The following PTGER3 variants were observed in gnomAD, a reference collection of about 807,000 sequenced individuals.
PTGER3 encodes the protein prostaglandin E receptor 3, also known as prostaglandin E2 receptor EP3 subtype.
In PTGER3, 22 loss-of-function variants were observed where a neutral mutation model predicts 34.7. The ratio of observed to expected loss-of-function variants is 0.63; its 90% CI spans 0.45 to 0.91. The LOEUF (loss-of-function observed/expected upper bound fraction) is 0.91, where lower values mean the gene tolerates loss of function less well. Among genes scored for constraint, PTGER3 ranks in the 40% least tolerant of loss-of-function variants. PTGER3 has a pLI of 0.00. For synonymous variants in PTGER3, 241 were observed against 230.1 expected (o/e 1.05, Z -0.43); for missense variants, 468 against 519.4 (o/e 0.90, Z 0.96).
chr1:71,047,636 C>A lies in PTGER3; in HGVS notation c.-59G>T. On this transcript the variant is annotated 5_prime_UTR_variant, in exon 1 of 4. Coordinates refer to ENST00000306666, the MANE Select transcript of PTGER3 (RefSeq NM_198719.2). ...GAGAGCCGCAGCGGGAGGGGGCAGACGCGGCGCGGGCGGCGGCGGAGGTCG... is the reference window on the plus strand; with the variant it reads ...GAGAGCCGCAGCGGGAGGGGGCAGAAGCGGCGCGGGCGGCGGCGGAGGTCG... The A allele has an allele frequency of 1.4e-6, 2 of 1,454,990 alleles. No homozygotes were observed. The highest frequency in any genetic ancestry group is 2.9e-5 in the South Asian group (2 of 69,108). The allele number at this position is 1,454,990 out of a possible 1,614,324, so 90.1% of individuals were successfully genotyped here.
downstream of PTGER3, among the ~76,000 whole-genome samples, chr1:70,967,470 T>TA (rs575193432): frequency 2.7e-3 from 417 of 151,900 alleles, 4 homozygotes; most frequent in African/African-American, 9.4e-3. Flanking sequence ...TACCTTAAAG[T>TA]AAAAAAAATT....
At chr1:70,936,531 A>G (rs1649247323) in intron 4 of PTGER3, among the ~76,000 whole-genome samples, 1 of 152,230 alleles carries the variant, frequency 6.6e-6, no homozygotes, top group South Asian at 2.1e-4. Context: ...GTGAAGAAAA[A>G]AAATGACTGT....
intron 2 of PTGER3, among the ~76,000 whole-genome samples, chr1:70,991,549 G>T (rs1165708982): frequency 6.6e-6 from 1 of 152,184 alleles, no homozygotes; most frequent in Non-Finnish European, 1.5e-5. Context: ...TCTGGGAACT[G>T]CAGGGAGATG....
chr1:71,029,926 AAAT>A (rs3044586), intron 1 of PTGER3, among the ~76,000 whole-genome samples: 9,447 of 143,996 alleles, frequency 0.066, 874 homozygotes, highest in African/African-American at 0.21. Flanking sequence ...ACTCCATCTC[AAAT>A]AATAATAATA....
chr1:70,942,335 G>T (rs1649837275), intron 4 of PTGER3, among the ~76,000 whole-genome samples: 1 of 152,148 alleles, frequency 6.6e-6, no homozygotes, highest in Non-Finnish European at 1.5e-5. Context: ...CTTGTGTTGT[G>T]TTTGTGCTAT....
chr1:70,988,797 C>A (rs771812582), intron 2 of PTGER3, among the ~76,000 whole-genome samples: 3 of 151,984 alleles, frequency 2.0e-5, no homozygotes, highest in Non-Finnish European at 4.4e-5. Context: ...GTGATAAAGT[C>A]ATCCCATCAG....
chr1:70,939,861 C>T lies in PTGER3; in HGVS notation c.*23+13902G>A, dbSNP rs537648188. ...CTGCCATGAAGATCTCTCACATAGC[C>T]TGGAGACATTTTCTCCATTGTCTCG... On this transcript the variant is annotated intron_variant, in intron 4 of 4. Transcript: ENST00000370931. Among the ~76,000 whole-genome samples the T allele has an allele frequency of 2.0e-5, 3 of 152,202 alleles. No homozygotes were observed. In the South Asian group the frequency reaches 6.2e-4, roughly 31 times the overall value.
chr1:70,898,241 A>T (rs1646764299), intron 4 of PTGER3, among the ~76,000 whole-genome samples: 1 of 152,146 alleles, frequency 6.6e-6, no homozygotes. Context: ...CTGAGTATGA[A>T]CTTGAGCAAC....
intron 2 of PTGER3, among the ~76,000 whole-genome samples, chr1:70,992,828 C>G (rs1205082970): frequency 6.6e-6 from 1 of 152,210 alleles, no homozygotes; most frequent in Non-Finnish European, 1.5e-5. Context: ...AATGCAGCTT[C>G]TAAGCACTTA....
intron 2 of PTGER3, among the ~76,000 whole-genome samples, chr1:70,961,649 T>C (rs1651945228): frequency 1.3e-5 from 2 of 152,246 alleles, no homozygotes; most frequent in Non-Finnish European, 2.9e-5. Flanking sequence ...AGCCTCAGGC[T>C]GTTTCCTCTT....
At chr1:71,004,977 C>A (rs1334624654) in intron 2 of PTGER3, among the ~76,000 whole-genome samples, 1 of 152,222 alleles carries the variant, frequency 6.6e-6, no homozygotes, top group East Asian at 1.9e-4. Context: ...GTACATAGCA[C>A]CTGTTTAGTG....
At chr1:70,862,666 T>A (rs1425819240) in intron 4 of PTGER3, among the ~76,000 whole-genome samples, 1 of 152,030 alleles carries the variant, frequency 6.6e-6, no homozygotes, top group African/African-American at 2.4e-5. Context: ...CATGAAGTGT[T>A]TGAGGAACAA....
At chr1:70,996,514 T>A (rs1418140733) in intron 2 of PTGER3, among the ~76,000 whole-genome samples, 1 of 152,120 alleles carries the variant, frequency 6.6e-6, no homozygotes, top group East Asian at 1.9e-4. Flanking sequence ...TCACCCAGGC[T>A]GAAGTGCAGT....
intron 4 of PTGER3, among the ~76,000 whole-genome samples, chr1:70,863,081 T>C (rs1572483841): frequency 6.6e-6 from 1 of 151,970 alleles, no homozygotes; most frequent in Non-Finnish European, 1.5e-5. Flanking sequence ...CCAGGTTCTC[T>C]GTCTTAGAGA....
At chr1:71,022,862 T>C (rs1658549324) in intron 1 of PTGER3, among the ~76,000 whole-genome samples, 1 of 151,752 alleles carries the variant, frequency 6.6e-6, no homozygotes, top group African/African-American at 2.4e-5. Flanking sequence ...GGAAGAGGTG[T>C]CCTGTCTATC....
chr1:70,901,142 G>A (rs1646829738), intron 4 of PTGER3, among the ~76,000 whole-genome samples: 1 of 152,178 alleles, frequency 6.6e-6, no homozygotes, highest in African/African-American at 2.4e-5. Context: ...AGAGGTTTAA[G>A]TGGTAGGCCT....
At chr1:70,962,635 C>T (rs2100637427) in intron 2 of PTGER3, among the ~76,000 whole-genome samples, 1 of 152,262 alleles carries the variant, frequency 6.6e-6, no homozygotes, top group Non-Finnish European at 1.5e-5. Context: ...ATAAAACCAT[C>T]AGATCCCATG....
At chr1:70,951,718 C>T (rs1650775491), downstream of PTGER3, among the ~76,000 whole-genome samples, 1 of 152,168 alleles carries the variant, frequency 6.6e-6, no homozygotes, top group South Asian at 2.1e-4. Context: ...TTCCTTAGCA[C>T]CTCCAATGTG....
intron 3 of PTGER3, chr1:70,953,684 G>T: frequency 6.6e-7 from 1 of 1,524,178 alleles, no homozygotes; most frequent in South Asian, 1.3e-5. Flanking sequence ...AAGGAAATAT[G>T]ACAAACAGTA....
Sources: gnomAD v4.1 joint callset for allele counts (sites outside exome capture counted in the v4.1 genomes callset) on GRCh38, gnomAD v4.1.1 for gene constraint, MANE v1.5 for transcripts, NCBI Gene and HGNC (gene_info 2026-07-23, HGNC 2026-07-21) for gene names.